Variants in WDPCP observed in about 807,000 individuals in gnomAD.
WDPCP encodes the protein WD repeat containing planar cell polarity effector.
WDPCP carries 71 observed loss-of-function variants against 93.1 expected under a neutral mutation model. The observed-to-expected ratio is 0.76, with a 90% CI of 0.63 to 0.93. WDPCP has a LOEUF of 0.93. Ranked by LOEUF, WDPCP falls within the 40% of genes least tolerant of loss-of-function variation. The pLI is 0.00. For missense variants in WDPCP, 844 were observed against 887.4 expected (o/e 0.95, Z 0.62); for synonymous variants, 315 against 315.0 (o/e 1.00, Z 0.00).
chr2:63,170,586 T>C (rs1382657874), intron 15 of WDPCP, among the ~76,000 whole-genome samples: 1 of 152,156 alleles, frequency 6.6e-6, no homozygotes, highest in African/African-American at 2.4e-5. Flanking sequence ...GTCTTTATAA[T>C]TCAGAGTGGG....
At chr2:63,773,788 C>T (rs892808534) in intron 2 of WDPCP, among the ~76,000 whole-genome samples, 1 of 151,934 alleles carries the variant, frequency 6.6e-6, no homozygotes, top group East Asian at 1.9e-4. Flanking sequence ...TTCAGTTCAA[C>T]ATTATTCTGA....
intron 2 of WDPCP, among the ~76,000 whole-genome samples, chr2:63,706,655 G>A (rs1277266934): frequency 1.4e-5 from 2 of 140,554 alleles, no homozygotes; most frequent in African/African-American, 2.7e-5. Context: ...TGTCGCCCAG[G>A]CTGGACTGCG....
intron 14 of WDPCP, among the ~76,000 whole-genome samples, chr2:63,204,584 T>C (rs1171867271): frequency 1.3e-5 from 2 of 152,036 alleles, no homozygotes; most frequent in South Asian, 2.1e-4. Flanking sequence ...TCAGGTGATC[T>C]GCCCGCCTCA....
At chr2:63,551,594 A>T (rs548099131) in intron 1 of WDPCP, among the ~76,000 whole-genome samples, 3 of 151,640 alleles carry the variant, frequency 2.0e-5, no homozygotes, top group Non-Finnish European at 2.9e-5. Context: ...CCAAAATAAC[A>T]CTCTTTTCTT....
intron 1 of WDPCP, among the ~76,000 whole-genome samples, chr2:63,503,742 T>C (rs1212485890): frequency 6.6e-6 from 1 of 151,904 alleles, no homozygotes; most frequent in Non-Finnish European, 1.5e-5. Flanking sequence ...GAAGAGAAAA[T>C]AAATTGAATT....
chr2:63,502,815 T>C (rs1379869547), intron 1 of WDPCP, among the ~76,000 whole-genome samples: 1 of 151,976 alleles, frequency 6.6e-6, no homozygotes, highest in Non-Finnish European at 1.5e-5. Context: ...TAAAAAGCTC[T>C]TTAAACTCAA....
At chr2:63,770,870 T>C (rs1220442777) in intron 2 of WDPCP, among the ~76,000 whole-genome samples, 2 of 151,932 alleles carry the variant, frequency 1.3e-5, no homozygotes, top group Non-Finnish European at 2.9e-5. Flanking sequence ...ATTTAAAATG[T>C]AAAACGATGT....
At chr2:63,385,311 T>C (rs1692640290) in intron 10 of WDPCP, among the ~76,000 whole-genome samples, 1 of 152,008 alleles carries the variant, frequency 6.6e-6, no homozygotes, top group African/African-American at 2.4e-5. Flanking sequence ...GAGAATAAAA[T>C]AAAAAGCACA....
intron 11 of WDPCP, 116 bp downstream of exon 11, chr2:63,381,780 GAGCACTAACA>G (rs1430501225): frequency 3.3e-5 from 31 of 942,802 alleles, no homozygotes; most frequent in Non-Finnish European, 4.3e-5. Context: ...AGTTTTAATA[GAGCACTAACA>G]TTTTTATCAT....
chr2:63,663,271 T>C (rs17028086), intron 2 of WDPCP, among the ~76,000 whole-genome samples: 2,412 of 152,340 alleles, frequency 0.016, 130 homozygotes, highest in East Asian at 0.13. Flanking sequence ...ACGACTATTA[T>C]TTTGGGAAAT....
Position 63,404,259 on chromosome 2 carries a change from T to A in WDPCP, c.1224A>T (p.Leu408=). 1 of 1,614,000 alleles carries A rather than the reference T, an allele frequency of 6.2e-7. No homozygotes were observed. The highest frequency in any genetic ancestry group is 8.5e-7 in the Non-Finnish European group (1 of 1,179,924). Residue 408 remains leucine, a synonymous_variant, in exon 10 of 18, where the codon CTA becomes CTT. Coordinates refer to ENST00000272321, the MANE Select transcript of WDPCP (RefSeq NM_015910.7). ...QGELQIFDMA[L]SPINIQLLAE... ...CCAACAGTTGGATGTTAATAGGGGA[T>A]AGAGCCATATCAAAAATTTGCAACT...
At chr2:63,201,811 G>A (rs73934634) in intron 14 of WDPCP, among the ~76,000 whole-genome samples, 1,959 of 152,106 alleles carry the variant, frequency 0.013, 34 homozygotes, top group African/African-American at 0.044. Flanking sequence ...GCATAGAGTT[G>A]TATGAAGTAT....
intron 13 of WDPCP, among the ~76,000 whole-genome samples, chr2:63,284,807 A>G (rs1683856998): frequency 6.6e-6 from 1 of 152,200 alleles, no homozygotes; most frequent in Non-Finnish European, 1.5e-5. Context: ...TCCATTTAAT[A>G]TTTTTAGACT....
At position 63,404,247 on chromosome 2, in the gene WDPCP, G is replaced by A; in HGVS notation, c.1236C>T (p.Asn412=). The change falls in exon 10 of 18, where the codon AAC becomes AAT. Residue 412 remains asparagine (N), a synonymous_variant. Transcript: ENST00000272321. ...AGCGGTCTTCAGCCAACAGTTGGAT[G>A]TTAATAGGGGATAGAGCCATATCAA... ...QIFDMALSPI[N]IQLLAEDRLP... is the part of the protein sequence containing the mutation. 6.2e-7 allele frequency: 1 copy of A among 1,613,682 alleles called. No individual in the cohort carries two copies. Among genetic ancestry groups the A allele is most frequent in the Non-Finnish European group, 8.5e-7 (1 of 1,179,708 alleles).
chr2:63,245,801 A>C (rs1039062634), intron 14 of WDPCP, among the ~76,000 whole-genome samples: 1 of 152,170 alleles, frequency 6.6e-6, no homozygotes, highest in African/African-American at 2.4e-5. Flanking sequence ...TAATAGTTCT[A>C]TATATTTATG....
chr2:63,725,920 C>T (rs1305395403), intron 2 of WDPCP, among the ~76,000 whole-genome samples: 2 of 151,782 alleles, frequency 1.3e-5, no homozygotes, highest in African/African-American at 4.8e-5. Context: ...TTTTTAAGTT[C>T]CTTATAGATT....
At chr2:63,611,496 G>A (rs143527422) in intron 3 of WDPCP, among the ~76,000 whole-genome samples, 1 of 152,076 alleles carries the variant, frequency 6.6e-6, no homozygotes, top group East Asian at 1.9e-4. Context: ...AAGAAATGTT[G>A]ACCAGGGGAA....
intron 14 of WDPCP, among the ~76,000 whole-genome samples, chr2:63,236,217 T>TA (rs773315927): frequency 6.6e-6 from 1 of 152,106 alleles, no homozygotes; most frequent in Non-Finnish European, 1.5e-5. Flanking sequence ...GTCAAGAACT[T>TA]AATCCCACTT....
At chr2:63,437,939 G>A (rs887602919) in intron 7 of WDPCP, 30 of 1,542,510 alleles carry the variant, frequency 1.9e-5, no homozygotes, top group Admixed American at 5.8e-5. Flanking sequence ...GAAACCATCC[G>A]AGGATAAAGT....
Sources: allele counts gnomAD v4.1 joint callset (sites outside exome capture counted in the v4.1 genomes callset), GRCh38; gene constraint gnomAD v4.1.1; transcripts MANE v1.5; gene names NCBI Gene and HGNC (gene_info 2026-07-23, HGNC 2026-07-21).